Variants in MECOM observed in about 807,000 individuals in gnomAD.
The protein encoded by MECOM is MDS1 and EVI1 complex locus.
A neutral mutation model predicts 116.3 loss-of-function variants in MECOM; 13 were observed. The ratio of observed to expected loss-of-function variants is 0.11; its 90% CI spans 0.07 to 0.18. The LOEUF (loss-of-function observed/expected upper bound fraction) is 0.18, where lower values mean the gene tolerates loss of function less well. Among genes scored for constraint, MECOM ranks in the 10% least tolerant of loss-of-function variants. MECOM has a pLI of 1.00. For synonymous variants in MECOM, 528 were observed against 535.2 expected (o/e 0.99, Z 0.19); for missense variants, 1,299 against 1,509.0 (o/e 0.86, Z 2.31).
intron 1 of MECOM, among the ~76,000 whole-genome samples, chr3:169,607,010 G>T (rs116368777): frequency 6.6e-6 from 1 of 152,168 alleles, no homozygotes; most frequent in Non-Finnish European, 1.5e-5. Flanking sequence ...AAGGGGAATA[G>T]ATATTGGGAG....
intron 1 of MECOM, among the ~76,000 whole-genome samples, chr3:169,601,590 A>G (rs780869987): frequency 1.1e-4 from 17 of 152,230 alleles, no homozygotes; most frequent in Non-Finnish European, 1.9e-4. Flanking sequence ...CTCACCATGC[A>G]TGGCTGAGTT....
intron 1 of MECOM, among the ~76,000 whole-genome samples, chr3:169,409,597 T>C (rs1737231516): frequency 1.3e-5 from 2 of 152,368 alleles, no homozygotes; most frequent in African/African-American, 2.4e-5. Context: ...TTTTGTGTGA[T>C]GCAGTACTTT....
intron 2 of MECOM, among the ~76,000 whole-genome samples, chr3:169,301,212 T>C (rs1716658276): frequency 6.6e-6 from 1 of 152,210 alleles, no homozygotes; most frequent in Non-Finnish European, 1.5e-5. Flanking sequence ...GGTGAGTGTC[T>C]GACTAGATTA....
chr3:169,601,102 G>A (rs1330248570), intron 1 of MECOM, among the ~76,000 whole-genome samples: 1 of 152,140 alleles, frequency 6.6e-6, no homozygotes, highest in Non-Finnish European at 1.5e-5. Flanking sequence ...TGAAAGCCAG[G>A]AAGACTCTTA....
chr3:169,531,689 T>G (rs1294468423), intron 1 of MECOM, among the ~76,000 whole-genome samples: 1 of 152,222 alleles, frequency 6.6e-6, no homozygotes, highest in Non-Finnish European at 1.5e-5. Flanking sequence ...AGTTAATGAC[T>G]ACTCATGGGT....
Position 169,456,150 on chromosome 3 carries a change from T to C in MECOM, c.38-74626A>G, listed in dbSNP as rs116757689. ...ACATTCTGGGAAGAAAAAAAAATTC[T>C]AGAGCCCTAAAGACATGATATCCAT... On this transcript the variant is annotated intron_variant, in intron 1 of 16. Transcript: ENST00000651503. 1.6e-3 allele frequency among the ~76,000 whole-genome samples: 247 copies of C among 152,310 alleles called. 3 individuals carry two copies. Among genetic ancestry groups the C allele is most frequent in the African/African-American group, 5.1e-3 (213 of 41,576 alleles).
At chr3:169,520,456 C>CT (rs772489608) in intron 1 of MECOM, among the ~76,000 whole-genome samples, 57 of 152,172 alleles carry the variant, frequency 3.7e-4, no homozygotes, top group Non-Finnish European at 5.6e-4. Context: ...CACATCCTCT[C>CT]TAAGCTCCAA....
chr3:169,578,035 A>G (rs1477701252), intron 1 of MECOM, among the ~76,000 whole-genome samples: 1 of 150,056 alleles, frequency 6.7e-6, no homozygotes, highest in African/African-American at 2.4e-5. Context: ...TCGTACTAAG[A>G]AAAAAAAAAG....
chr3:169,340,429 T>C (rs530038957), intron 2 of MECOM, among the ~76,000 whole-genome samples: 2 of 152,228 alleles, frequency 1.3e-5, no homozygotes, highest in African/African-American at 2.4e-5. Flanking sequence ...TTTCTACTTA[T>C]AGCTGCTGTG....
intron 2 of MECOM, among the ~76,000 whole-genome samples, chr3:169,168,270 A>G (rs906484824): frequency 2.0e-5 from 3 of 148,348 alleles, no homozygotes; most frequent in Non-Finnish European, 3.0e-5. Context: ...GCTGGACTCA[A>G]GTGATCCCCT....
intron 2 of MECOM, among the ~76,000 whole-genome samples, chr3:169,213,135 T>A (rs1047554495): frequency 6.6e-6 from 1 of 152,092 alleles, no homozygotes; most frequent in Non-Finnish European, 1.5e-5. Context: ...TGACAGAATA[T>A]CAATTTTCAT....
chr3:169,295,019 T>G (rs766389683), intron 2 of MECOM, among the ~76,000 whole-genome samples: 1 of 152,156 alleles, frequency 6.6e-6, no homozygotes, highest in Non-Finnish European at 1.5e-5. Flanking sequence ...TTAGTTTTCT[T>G]TATTTAAAAA....
chr3:169,323,476 G>A (rs566933209), intron 2 of MECOM, among the ~76,000 whole-genome samples: 1 of 152,332 alleles, frequency 6.6e-6, no homozygotes, highest in East Asian at 1.9e-4. Flanking sequence ...ATGAATTAGA[G>A]AAGAGAGAGG....
chr3:169,500,572 A>G (rs73174330), intron 1 of MECOM, among the ~76,000 whole-genome samples: 24,541 of 151,864 alleles, frequency 0.16, 2,131 homozygotes, highest in East Asian at 0.33. Flanking sequence ...AAACTTTTTA[A>G]TAGTTTATAC....
chr3:169,343,502 C>T (rs943736887), intron 2 of MECOM, among the ~76,000 whole-genome samples: 2 of 151,706 alleles, frequency 1.3e-5, no homozygotes, highest in African/African-American at 2.4e-5. Flanking sequence ...CCTCCTGACT[C>T]GCCAGAATCA....
At chr3:169,552,995 T>A (rs1208099867) in intron 1 of MECOM, among the ~76,000 whole-genome samples, 1 of 151,646 alleles carries the variant, frequency 6.6e-6, no homozygotes, top group African/African-American at 2.4e-5. Flanking sequence ...AGACAACAAG[T>A]AGGAATTTTA....
At chr3:169,487,801 G>A (rs866399181) in intron 1 of MECOM, among the ~76,000 whole-genome samples, 6 of 149,978 alleles carry the variant, frequency 4.0e-5, no homozygotes, top group East Asian at 2.0e-4. Context: ...CGGGAGGGTC[G>A]GGGTGGGGGG....
chr3:169,628,402 C>T (rs976002023), intron 1 of MECOM, among the ~76,000 whole-genome samples: 4 of 152,182 alleles, frequency 2.6e-5, no homozygotes, highest in Non-Finnish European at 5.9e-5. Flanking sequence ...ATTGTTGCTT[C>T]TGAGAGTTTT....
At chr3:169,097,821 A>ATT (rs1722161849) in intron 12 of MECOM, among the ~76,000 whole-genome samples, 1 of 66,156 alleles carries the variant, frequency 1.5e-5, no homozygotes, top group African/African-American at 7.8e-5. Context: ...TCTATATAAA[A>ATT]AAAAAAAAAA....
Sources: gnomAD v4.1 joint callset for allele counts (sites outside exome capture counted in the v4.1 genomes callset) on GRCh38, gnomAD v4.1.1 for gene constraint, MANE v1.5 for transcripts, NCBI Gene and HGNC (gene_info 2026-07-23, HGNC 2026-07-21) for gene names.